The following MRM1 variants were observed in gnomAD, a reference collection of about 807,000 sequenced individuals.
The protein encoded by MRM1 is rRNA methyltransferase 1, mitochondrial.
Under a neutral mutation model 25.0 loss-of-function variants are expected in MRM1, and 24 were observed. That is an observed-to-expected ratio of 0.96 (90% confidence interval 0.69 to 1.35). MRM1 has a LOEUF of 1.35. Ranked by LOEUF, MRM1 falls within the 40% of genes most tolerant of loss-of-function variation. The probability of loss-of-function intolerance (pLI) is 0.00; values close to 1 mark genes in which losing one functional copy is unlikely to be tolerated. For missense variants in MRM1, 431 were observed against 464.1 expected, an observed-to-expected ratio of 0.93 and a Z score of 0.65; for synonymous variants, 188 against 199.2, an observed-to-expected ratio of 0.94 and a Z score of 0.47.
chr17:36,606,739 C>G (rs1188399263), intron 2 of MRM1, among the ~76,000 whole-genome samples: 1 of 151,710 alleles, frequency 6.6e-6, no homozygotes, highest in Non-Finnish European at 1.5e-5. Context: ...TCCCAAATAG[C>G]TGGGACTACA....
chr17:36,633,195 C>T, the MRM1 span, among the ~76,000 whole-genome samples: 5 of 152,298 alleles, frequency 3.3e-5, no homozygotes, highest in South Asian at 8.3e-4. Flanking sequence ...GAGCCCCTCC[C>T]GTCTCCCCTT....
chr17:36,602,105 G>A lies in MRM1; in HGVS notation c.295G>A (p.Val99Ile). 6.2e-7 allele frequency: 1 copy of A among 1,611,808 alleles called. No individual in the cohort carries two copies. The highest frequency in any genetic ancestry group is 8.5e-7 in the Non-Finnish European group (1 of 1,179,840). The change falls in exon 1 of 5, where the codon GTT becomes ATT. Residue 99 changes from valine (V) to isoleucine (I), a missense_variant. Coordinates refer to ENST00000614766, the MANE Select transcript of MRM1 (RefSeq NM_024864.5). The surrounding 1 kb of genome is among the most constrained non-coding windows in gnomAD (Gnocchi z 4.1). The stretch of plus-strand genomic sequence containing the variant: ...GATGGCCGAGGCGCGGGACATTCCA[G>A]TTCTGCGGCCCAGACGGCAGAAACT... ...LRMAEARDIP[V>I]LRPRRQKLDT...
the MRM1 span, among the ~76,000 whole-genome samples, chr17:36,622,590 T>C: frequency 6.7e-6 from 1 of 148,992 alleles, no homozygotes; most frequent in Non-Finnish European, 1.5e-5. Context: ...AAAAAAAAAA[T>C]TCAAACCTCA....
At chr17:36,630,764 G>A in the MRM1 span, among the ~76,000 whole-genome samples, 1 of 152,152 alleles carries the variant, frequency 6.6e-6, no homozygotes, top group Non-Finnish European at 1.5e-5. Context: ...TTAGGAGATG[G>A]GCAGGGAAAG....
At chr17:36,608,201 T>G (rs1473726074) in intron 4 of MRM1, 42 bp from the exon 5 acceptor site, 1 of 1,533,746 alleles carries the variant, frequency 6.5e-7, no homozygotes, top group Non-Finnish European at 8.8e-7. Context: ...AACATCATCC[T>G]TCTCCTCCGT....
chr17:36,621,836 G>T, the MRM1 span, among the ~76,000 whole-genome samples: 2 of 152,122 alleles, frequency 1.3e-5, no homozygotes, highest in Admixed American at 6.5e-5. Context: ...TCTGGGGAGG[G>T]AGTATTTCCC....
intron 2 of MRM1, among the ~76,000 whole-genome samples, chr17:36,605,745 A>G (rs1176643418): frequency 1.3e-5 from 2 of 152,000 alleles, no homozygotes; most frequent in Non-Finnish European, 2.9e-5. Flanking sequence ...TGTTTAGGTC[A>G]AAAACCTTGG....
intron 2 of MRM1, among the ~76,000 whole-genome samples, chr17:36,605,854 G>A (rs566580601): frequency 5.0e-4 from 76 of 152,142 alleles, no homozygotes; most frequent in African/African-American, 1.7e-3. Flanking sequence ...TCTGTTGACC[G>A]TTATTGCAGA....
In MRM1 at chr17:36,601,722, G is replaced by A; in HGVS notation, c.-89G>A. The A allele has an allele frequency of 7.3e-7, 1 of 1,375,196 alleles. No individual in the cohort carries two copies. Among genetic ancestry groups the A allele is most frequent in the Non-Finnish European group, 9.7e-7 (1 of 1,028,166 alleles). 85.2% of individuals were successfully genotyped at this position (1,375,196 alleles called of 1,614,324 possible). On this transcript the variant is annotated 5_prime_UTR_variant, in exon 1 of 5. The change creates a new upstream start codon in the 5' untranslated region. Transcript: ENST00000614766. ...CGGCTGTCGAGTACCCTTCACCTCG[G>A]TGTTGGGAGCCTGGGAGCGAACTGC... is the stretch of plus-strand genomic sequence containing the variant.
Position 36,608,502 on chromosome 17 carries a change from T to A in MRM1, c.*87T>A. 1 of 831,888 alleles carries A rather than the reference T, an allele frequency of 1.2e-6. No individual in the cohort carries two copies. The highest frequency in any genetic ancestry group is 1.6e-6 in the Non-Finnish European group (1 of 610,976). The allele number at this position is 831,888 out of a possible 1,614,324, so 51.5% of individuals were successfully genotyped here. On this transcript the variant is annotated 3_prime_UTR_variant, in exon 5 of 5. Coordinates refer to ENST00000614766, the MANE Select transcript of MRM1 (RefSeq NM_024864.5). ...CTCCAGTGTGCGGGGAGCCTCTGCC[T>A]GAGTGTGCACCAGGCCCATGTTTAT... is the stretch of plus-strand genomic sequence containing the variant.
Position 36,607,648 on chromosome 17 carries a change from CAT to C in MRM1, c.637-19_637-18del. The C allele has an allele frequency of 6.2e-7, 1 of 1,600,574 alleles. No homozygotes were observed. The highest frequency in any genetic ancestry group is 1.4e-5 in the African/African-American group (1 of 74,020). ...AATTAAAATAAAAAAAGAATTAGAA[CAT>C]ATCTTCTTCCCCCTTTCAGACCAAA... is the stretch of plus-strand genomic sequence containing the variant. On this transcript the variant is annotated intron_variant, in intron 2 of 4. Coordinates refer to ENST00000614766, the MANE Select transcript of MRM1 (RefSeq NM_024864.5).
chr17:36,628,436 G>A, the MRM1 span, among the ~76,000 whole-genome samples: 4 of 152,220 alleles, frequency 2.6e-5, no homozygotes, highest in African/African-American at 4.8e-5. Flanking sequence ...TGGGCTTCCG[G>A]AGGGGAAGAA....
chr17:36,617,576 A>G, the MRM1 span, among the ~76,000 whole-genome samples: 2 of 151,806 alleles, frequency 1.3e-5, no homozygotes, highest in African/African-American at 4.8e-5. Flanking sequence ...TTGTATTTTG[A>G]GTAGAGGCGG....
intron 4 of MRM1, 76 bp from the exon 5 acceptor site, chr17:36,608,167 G>A: frequency 1.3e-6 from 2 of 1,518,070 alleles, no homozygotes; most frequent in Non-Finnish European, 1.8e-6. Flanking sequence ...GAGATGAGGG[G>A]CTGCCTGAAT....
chr17:36,624,126 GC>G, the MRM1 span, among the ~76,000 whole-genome samples: 1 of 152,104 alleles, frequency 6.6e-6, no homozygotes, highest in Non-Finnish European at 1.5e-5. This position sits in a 1 kb window ranked among gnomAD's most constrained non-coding sequence, Gnocchi z 4.0. Flanking sequence ...AACAAGCACC[GC>G]CACCTCCCTT....
At chr17:36,613,641 G>T (rs1367504892), downstream of MRM1, among the ~76,000 whole-genome samples, 1 of 152,208 alleles carries the variant, frequency 6.6e-6, no homozygotes, top group Non-Finnish European at 1.5e-5. Flanking sequence ...AGCAGGGAAA[G>T]CAGACAGGGA....
chr17:36,615,388 C>T, the MRM1 span, among the ~76,000 whole-genome samples: 1 of 152,188 alleles, frequency 6.6e-6, no homozygotes, highest in African/African-American at 2.4e-5. Context: ...CTGGCGGGCG[C>T]GGTGGCTCAT....
chr17:36,629,759 G>A, the MRM1 span, among the ~76,000 whole-genome samples: 1 of 152,156 alleles, frequency 6.6e-6, no homozygotes, highest in African/African-American at 2.4e-5. Context: ...GCCCTGGTGG[G>A]GCAGCCCGGC....
chr17:36,632,889 G>A, the MRM1 span, among the ~76,000 whole-genome samples: 1 of 152,174 alleles, frequency 6.6e-6, no homozygotes, highest in Non-Finnish European at 1.5e-5. Context: ...CATGGGCAAA[G>A]GCCTTCAGTG....
Sources: gnomAD v4.1 joint callset for allele counts (sites outside exome capture counted in the v4.1 genomes callset) on GRCh38, gnomAD v4.1.1 for gene constraint, Gnocchi (gnomAD v3.1) non-coding constraint, MANE v1.5 for transcripts, NCBI Gene and HGNC (gene_info 2026-07-23, HGNC 2026-07-21) for gene names.